The following ACYP2 variants were observed in gnomAD, a reference collection of about 807,000 sequenced individuals.
The protein encoded by ACYP2 is acylphosphatase 2, also known as acylphosphatase-2.
Under a neutral mutation model 11.2 loss-of-function variants are expected in ACYP2, and 12 were observed. The observed-to-expected ratio is 1.08, with a 90% CI of 0.69 to 1.74. The LOEUF (loss-of-function observed/expected upper bound fraction) is 1.74. Among genes scored for constraint, ACYP2 ranks in the 40% most tolerant of loss-of-function variants. The probability of loss-of-function intolerance (pLI) is 0.00; values close to 1 mark genes in which losing one functional copy is unlikely to be tolerated. For synonymous variants in ACYP2, 43 were observed against 32.2 expected, an observed-to-expected ratio of 1.33 and a Z score of -1.13; for missense variants, 134 against 101.9, an observed-to-expected ratio of 1.31 and a Z score of -1.35.
intron 4 of ACYP2, among the ~76,000 whole-genome samples, chr2:54,120,811 T>G (rs1164534332): frequency 6.6e-6 from 1 of 152,188 alleles, no homozygotes; most frequent in Non-Finnish European, 1.5e-5. Context: ...GAGGGGGATG[T>G]GGCAGTGCCC....
At position 54,079,168 on chromosome 2, in the gene ACYP2, T is replaced by C. The variant is rs531226848; in HGVS notation, c.277+21808T>C. Among the ~76,000 whole-genome samples, 5 of 152,290 alleles carry C rather than the reference T, an allele frequency of 3.3e-5. No individual in the cohort carries two copies. In the South Asian group the frequency reaches 1.0e-3, roughly 32 times the overall value. On this transcript the variant is annotated intron_variant, in intron 4 of 6. Transcript: ENST00000607452. Reference sequence around the variant, plus strand: ...CTTTGTCTCCTAGATGACTGACACTTGATGTAGAATTTAGTCCATAGAATA... The same window carrying C: ...CTTTGTCTCCTAGATGACTGACACTCGATGTAGAATTTAGTCCATAGAATA...
chr2:54,136,970 C>A (rs926568312), intron 5 of ACYP2, among the ~76,000 whole-genome samples: 1 of 151,994 alleles, frequency 6.6e-6, no homozygotes, highest in African/African-American at 2.4e-5. Flanking sequence ...GAGTGAAATT[C>A]CATCTCAGAA....
intron 6 of ACYP2, among the ~76,000 whole-genome samples, chr2:54,186,421 T>G (rs1683998286): frequency 6.6e-6 from 1 of 152,196 alleles, no homozygotes; most frequent in South Asian, 2.1e-4. Context: ...TTATATTCTT[T>G]CCTTTCTTCC....
chr2:54,242,280 G>C (rs983153968), intron 6 of ACYP2, among the ~76,000 whole-genome samples: 2 of 152,180 alleles, frequency 1.3e-5, no homozygotes, highest in African/African-American at 4.8e-5. Context: ...AAACCACCAG[G>C]CTTGGTAGAT....
At chr2:54,225,760 T>C (rs1326195648) in intron 6 of ACYP2, among the ~76,000 whole-genome samples, 1 of 152,136 alleles carries the variant, frequency 6.6e-6, no homozygotes, top group Non-Finnish European at 1.5e-5. Flanking sequence ...TTAATGGTAA[T>C]CATTTTGGGG....
At chr2:54,079,737 A>G (rs1453733902) in intron 4 of ACYP2, among the ~76,000 whole-genome samples, 4 of 152,242 alleles carry the variant, frequency 2.6e-5, no homozygotes, top group Non-Finnish European at 4.4e-5. Flanking sequence ...TGCTTACACA[A>G]TTTTGAGAGT....
At chr2:54,192,221 T>G (rs1232295916) in intron 6 of ACYP2, among the ~76,000 whole-genome samples, 1 of 152,138 alleles carries the variant, frequency 6.6e-6, no homozygotes, top group Admixed American at 6.6e-5. Flanking sequence ...TTGGGAAATA[T>G]TTTTTTCTCC....
intron 6 of ACYP2, among the ~76,000 whole-genome samples, chr2:54,181,401 G>A (rs570464857): frequency 3.9e-5 from 6 of 152,238 alleles, no homozygotes; most frequent in African/African-American, 1.4e-4. Context: ...TTATCACCTT[G>A]TATAAGTTTC....
intron 4 of ACYP2, among the ~76,000 whole-genome samples, chr2:54,100,045 C>G (rs1439910662): frequency 1.3e-5 from 2 of 152,114 alleles, no homozygotes; most frequent in East Asian, 3.8e-4. Flanking sequence ...TTCTCTTTTA[C>G]TTCTGTTAAA....
At chr2:54,039,870 T>TGTGTGTGTGTGTG (rs61044964) in intron 2 of ACYP2, among the ~76,000 whole-genome samples, 4 of 144,816 alleles carry the variant, frequency 2.8e-5, no homozygotes, top group Non-Finnish European at 6.0e-5. Flanking sequence ...TGTGTGTGTG[T>TGTGTGTGTGTGTG]TTTGAGACAG....
chr2:54,197,935 ATG>A (rs1684566823), intron 6 of ACYP2, among the ~76,000 whole-genome samples: 1 of 130,898 alleles, frequency 7.6e-6, no homozygotes, highest in African/African-American at 2.7e-5. Context: ...TTATTTATGT[ATG>A]TATTATATTG....
chr2:54,151,957 C>T (rs1242058168), intron 6 of ACYP2, among the ~76,000 whole-genome samples: 1 of 152,138 alleles, frequency 6.6e-6, no homozygotes, highest in South Asian at 2.1e-4. Context: ...GTGGAAACTA[C>T]AGAGAGTTTC....
chr2:54,181,893 T>C (rs1683746919), intron 6 of ACYP2, among the ~76,000 whole-genome samples: 1 of 151,996 alleles, frequency 6.6e-6, no homozygotes, highest in African/African-American at 2.4e-5. Context: ...TAAAATAAAA[T>C]AAACATTTAA....
At chr2:54,065,230 T>C (rs555109540) in intron 4 of ACYP2, among the ~76,000 whole-genome samples, 1 of 152,328 alleles carries the variant, frequency 6.6e-6, no homozygotes, top group East Asian at 1.9e-4. Context: ...AAATCGTTAT[T>C]ACTGGATGTG....
intron 4 of ACYP2, among the ~76,000 whole-genome samples, chr2:54,068,457 G>A (rs1046054040): frequency 6.6e-6 from 1 of 152,192 alleles, no homozygotes; most frequent in South Asian, 2.1e-4. Context: ...GCTATGATAT[G>A]TATGTAAACT....
chr2:54,013,308 TGTGTGTG>T, intron 2 of ACYP2, among the ~76,000 whole-genome samples: 5 of 142,926 alleles, frequency 3.5e-5, no homozygotes, highest in East Asian at 2.1e-4. Context: ...TGTGTGTGTG[TGTGTGTG>T]TTTTGAGACA....
chr2:54,094,673 G>T (rs1678421147), intron 4 of ACYP2, among the ~76,000 whole-genome samples: 1 of 152,062 alleles, frequency 6.6e-6, no homozygotes, highest in South Asian at 2.1e-4. Context: ...AAGTAGCCAG[G>T]ACTACAGGCA....
chr2:54,197,528 G>C (rs1421061592), intron 6 of ACYP2, among the ~76,000 whole-genome samples: 1 of 152,184 alleles, frequency 6.6e-6, no homozygotes, highest in Non-Finnish European at 1.5e-5. Context: ...TGCATGCTCT[G>C]AGAAGACAGA....
intron 6 of ACYP2, chr2:54,267,507 G>T (rs1419408026): frequency 2.9e-6 from 2 of 689,326 alleles, no homozygotes; most frequent in Non-Finnish European, 4.5e-6. Flanking sequence ...TTTGGGGGAA[G>T]GTTACTAGTG....
Sources: allele counts gnomAD v4.1 joint callset (sites outside exome capture counted in the v4.1 genomes callset), GRCh38; gene constraint gnomAD v4.1.1; transcripts MANE v1.5; gene names NCBI Gene and HGNC (gene_info 2026-07-23, HGNC 2026-07-21).